Variants in FRMPD4 observed in about 807,000 individuals in gnomAD.
The protein encoded by FRMPD4 is FERM and PDZ domain containing 4.
FRMPD4 carries 22 observed loss-of-function variants against 94.1 expected under a neutral mutation model. The observed-to-expected ratio is 0.23, with a 90% confidence interval of 0.17 to 0.33. FRMPD4 has a LOEUF of 0.33. FRMPD4 is among the 10% of genes least tolerant of loss of function. The probability of loss-of-function intolerance (pLI) is 1.00; values close to 1 mark genes in which losing one functional copy is unlikely to be tolerated. For synonymous variants in FRMPD4, 631 were observed against 548.6 expected, an observed-to-expected ratio of 1.15 and a Z score of -2.10; for missense variants, 1,111 against 1,339.9, an observed-to-expected ratio of 0.83 and a Z score of 2.67.
chrX:12,536,686 G>A (rs1439233740), intron 2 of FRMPD4, among the ~76,000 whole-genome samples: 1 of 111,972 alleles, frequency 8.9e-6, no homozygotes, highest in Non-Finnish European at 1.9e-5. Context: ...GGATTGTTTA[G>A]TAGGAGAGAA....
chrX:12,721,841 A>G lies in FRMPD4; in HGVS notation c.5272A>G (p.Arg1758Gly), dbSNP rs2042247063. Residue 1758 changes from arginine (R) to glycine (G), a missense_variant, in exon 17 of 17, where the codon AGG becomes GGG. Around this residue, in one of 8 missense-constraint regions of FRMPD4, gnomAD observed 551 missense variants for 591.6 expected, o/e 0.93. Transcript: ENST00000675598. ...LVSTLTRSLK[R>G]LLNK ...AAGCACACTGACACGTTCTCTCAAG[A>G]GGCTTTTAAACAAATAAATATGGAA... 1 of 752,442 alleles carries G rather than the reference A, an allele frequency of 1.3e-6. No homozygotes were observed. The highest frequency in any genetic ancestry group is 1.6e-6 in the Non-Finnish European group (1 of 637,226). The allele number at this position is 752,442 out of a possible 1,213,427, so 62.0% of individuals were successfully genotyped here.
At chrX:12,547,742 C>T (rs1468956122) in intron 2 of FRMPD4, among the ~76,000 whole-genome samples, 2 of 112,301 alleles carry the variant, frequency 1.8e-5, no homozygotes, top group African/African-American at 6.5e-5. Context: ...GCATTTCCCA[C>T]CTTCTCTGTG....
At chrX:12,451,800 G>A (rs2057275330) in intron 1 of FRMPD4, among the ~76,000 whole-genome samples, 1 of 108,650 alleles carries the variant, frequency 9.2e-6, no homozygotes, top group Admixed American at 1.0e-4. Context: ...ATTCCTGTCT[G>A]TGTCCCAAGT....
intron 3 of FRMPD4, among the ~76,000 whole-genome samples, chrX:12,019,152 AT>A (rs1360577243): frequency 1.8e-5 from 2 of 108,849 alleles, no homozygotes; most frequent in African/African-American, 6.9e-5. Flanking sequence ...ATGAGTTTCA[AT>A]TTTTTGTTTA....
intron 3 of FRMPD4, among the ~76,000 whole-genome samples, chrX:12,042,567 C>G (rs2054761919): frequency 9.0e-6 from 1 of 111,691 alleles, no homozygotes; most frequent in Non-Finnish European, 1.9e-5. Context: ...GTCTGACTCT[C>G]ACACTCTGTC....
intron 3 of FRMPD4, among the ~76,000 whole-genome samples, chrX:12,021,481 G>A (rs1323175962): frequency 9.0e-6 from 1 of 111,490 alleles, no homozygotes; most frequent in Non-Finnish European, 1.9e-5. Context: ...ATCATTTAAA[G>A]GAACAAGGTT....
chrX:12,158,049 A>G (rs914816778), intron 1 of FRMPD4, among the ~76,000 whole-genome samples: 2 of 112,456 alleles, frequency 1.8e-5, no homozygotes, highest in Non-Finnish European at 3.8e-5. Flanking sequence ...AAACGTAGAC[A>G]GGGAGAGATT....
chrX:12,232,427 T>C (rs768612558), intron 1 of FRMPD4, among the ~76,000 whole-genome samples: 21 of 110,684 alleles, frequency 1.9e-4, no homozygotes, highest in Non-Finnish European at 3.8e-4. Flanking sequence ...GTAAAACCAT[T>C]AGATCTCGTG....
At chrX:11,959,491 A>G (rs192124569) in intron 3 of FRMPD4, among the ~76,000 whole-genome samples, 1 of 112,425 alleles carries the variant, frequency 8.9e-6, no homozygotes, top group East Asian at 2.8e-4. Flanking sequence ...GCCATTTGAC[A>G]TCAAAAGGTG....
intron 4 of FRMPD4, among the ~76,000 whole-genome samples, chrX:12,652,622 T>A (rs1252891655): frequency 8.9e-6 from 1 of 112,031 alleles, no homozygotes; most frequent in Admixed American, 9.5e-5. Flanking sequence ...ATTTAATATT[T>A]TGATATTTTT....
intron 3 of FRMPD4, among the ~76,000 whole-genome samples, chrX:12,107,569 GAGA>G (rs1451138106): frequency 8.9e-6 from 1 of 112,287 alleles, no homozygotes; most frequent in East Asian, 2.8e-4. Context: ...GATGAGTTGA[GAGA>G]AGAAGGCTTC....
chrX:12,622,011 A>G (rs796531004), intron 4 of FRMPD4, among the ~76,000 whole-genome samples: 387 of 35,762 alleles, frequency 0.011, 1 homozygote, highest in East Asian at 0.025. Flanking sequence ...AGAAAGAAAG[A>G]AAGAAAGGAA....
chrX:11,891,449 A>G (rs1485943784), intron 3 of FRMPD4, among the ~76,000 whole-genome samples: 1 of 112,501 alleles, frequency 8.9e-6, no homozygotes, highest in Non-Finnish European at 1.9e-5. Flanking sequence ...CTAGACCCAG[A>G]AGCCGAGGGG....
Position 12,701,960 on chromosome X carries a change from T to C in FRMPD4, c.1020T>C (p.Ile340=), listed in dbSNP as rs768620800. The C allele has an allele frequency of 8.3e-7, 1 of 1,210,345 alleles. No individual in the cohort carries two copies. Among genetic ancestry groups the C allele is most frequent in the Admixed American group, 2.2e-5 (1 of 46,155 alleles). The change falls in exon 10 of 17, where the codon ATT becomes ATC. Residue 340 remains isoleucine (I), a synonymous_variant. Transcript: ENST00000675598. ...GGCTGGCCGCATTACAAATGTACAT[T>C]GCAACCGTTACCACCAAGCAAACGC... The part of the protein sequence containing the change: ...ALRLAALQMY[I]ATVTTKQTQK...
chrX:12,183,471 C>T (rs1438590518), intron 1 of FRMPD4, among the ~76,000 whole-genome samples: 2 of 111,639 alleles, frequency 1.8e-5, no homozygotes, highest in African/African-American at 3.3e-5. Flanking sequence ...TGTCAAATAA[C>T]GGTCCTCACT....
rs760119911 is a variant in FRMPD4, at chrX:11,824,213, GGT to G, written c.-161+1504_-161+1505del. Among the ~76,000 whole-genome samples the G allele has an allele frequency of 3.8e-3, 408 of 106,713 alleles. 1 individual carries two copies. Among genetic ancestry groups the G allele is most frequent in the African/African-American group, 0.013 (384 of 29,848 alleles). 92.7% of individuals were successfully genotyped at this position (106,713 alleles called of 115,157 possible). A position where few individuals can be genotyped will look rare whatever the true frequency, so the allele number is the denominator to read the frequency against. On this transcript the variant is annotated intron_variant, in intron 1 of 18. Coordinates refer to the FRMPD4 transcript ENST00000640291. The stretch of plus-strand genomic sequence containing the variant: ...TATGGGGAAGACTTGGGAAAGAGTA[GGT>G]GTGTGGGTAACATCAAGAGTTTAGC...
chrX:11,911,855 A>C (rs1037648784), intron 3 of FRMPD4, among the ~76,000 whole-genome samples: 9 of 112,218 alleles, frequency 8.0e-5, no homozygotes, highest in African/African-American at 2.9e-4. Context: ...GAAATAACCA[A>C]GGTGAGCCAA....
At chrX:12,246,099 T>C (rs753272854) in intron 1 of FRMPD4, among the ~76,000 whole-genome samples, 8 of 111,446 alleles carry the variant, frequency 7.2e-5, no homozygotes, top group Non-Finnish European at 1.1e-4. Flanking sequence ...CCTTTAGGGT[T>C]TTGCAAACAG....
intron 1 of FRMPD4, among the ~76,000 whole-genome samples, chrX:12,218,682 G>A (rs1158311926): frequency 8.9e-6 from 1 of 111,921 alleles, no homozygotes; most frequent in Admixed American, 9.5e-5. Context: ...TGATAATCAT[G>A]ACTGTCAAAA....
Sources: allele counts gnomAD v4.1 joint callset (sites outside exome capture counted in the v4.1 genomes callset), GRCh38; gene constraint gnomAD v4.1.1; regional missense constraint gnomAD v4.1.1; transcripts MANE v1.5; gene names NCBI Gene and HGNC (gene_info 2026-07-23, HGNC 2026-07-21).